Variants in PRKN observed in about 807,000 individuals in gnomAD.
The protein encoded by PRKN is parkin RBR E3 ubiquitin protein ligase.
In PRKN, 56 loss-of-function variants were observed where a neutral mutation model predicts 59.5. The ratio of observed to expected loss-of-function variants is 0.94; its 90% CI spans 0.76 to 1.18. The LOEUF is 1.18. Among genes scored for constraint, PRKN ranks in the 50% most tolerant of loss-of-function variants. PRKN has a pLI of 0.00. For missense variants in PRKN, 657 were observed against 596.4 expected (o/e 1.10, Z -1.06); for synonymous variants, 250 against 222.1 (o/e 1.13, Z -1.12).
Position 161,551,150 on chromosome 6 carries a change from A to T in PRKN, c.934-2147T>A, listed in dbSNP as rs544122850. Among the ~76,000 whole-genome samples, 9 of 152,326 alleles carry T rather than the reference A, an allele frequency of 5.9e-5. No individual in the cohort carries two copies. In the South Asian group the frequency reaches 1.7e-3, roughly 28 times the overall value. ...CCAGAGGATACAATGAAGATATTTC[A>T]TCAGGTAATGAATGATGAGACAGTT... On this transcript the variant is annotated intron_variant, in intron 8 of 11. Coordinates refer to ENST00000366898, the MANE Select transcript of PRKN (RefSeq NM_004562.3). The surrounding 1 kb of genome is among the most constrained non-coding windows in gnomAD (Gnocchi z 5.2).
intron 7 of PRKN, among the ~76,000 whole-genome samples, chr6:161,595,667 T>A (rs1029520823): frequency 6.6e-6 from 1 of 152,122 alleles, no homozygotes; most frequent in African/African-American, 2.4e-5. Flanking sequence ...CTGAACTCAG[T>A]GCAAGCAGGG....
chr6:162,651,516 C>G (rs1403405967), intron 1 of PRKN, among the ~76,000 whole-genome samples: 4 of 152,192 alleles, frequency 2.6e-5, no homozygotes, highest in Admixed American at 6.5e-5. Context: ...TGAGGAGACA[C>G]ATTAACCTGA....
chr6:162,699,770 G>A (rs544804378), intron 1 of PRKN, among the ~76,000 whole-genome samples: 2 of 151,964 alleles, frequency 1.3e-5, no homozygotes, highest in East Asian at 1.9e-4. Flanking sequence ...TTCCTCTCCC[G>A]GTCTCTCAAT....
intron 7 of PRKN, among the ~76,000 whole-genome samples, chr6:161,594,391 T>C (rs1460738361): frequency 2.0e-5 from 3 of 152,142 alleles, no homozygotes; most frequent in African/African-American, 7.2e-5. Context: ...GTGGGCAAGA[T>C]GGGAGAAGAC....
intron 6 of PRKN, among the ~76,000 whole-genome samples, chr6:161,905,247 T>A (rs911086766): frequency 1.3e-5 from 2 of 152,224 alleles, no homozygotes; most frequent in Non-Finnish European, 2.9e-5. Flanking sequence ...ATAGACACAC[T>A]CGTGACACTA....
At chr6:162,561,780 G>A (rs1484701046) in intron 1 of PRKN, among the ~76,000 whole-genome samples, 2 of 152,110 alleles carry the variant, frequency 1.3e-5, no homozygotes, top group African/African-American at 2.4e-5. Flanking sequence ...CCCTGTGGTC[G>A]GAACTTGAGT....
chr6:162,263,269 A>T (rs1329240294), intron 2 of PRKN: 1 of 205,738 alleles, frequency 4.9e-6, no homozygotes, highest in Non-Finnish European at 1.0e-5. Context: ...TAAATAGTAA[A>T]ACTGATTGAC....
At chr6:161,481,597 C>T (rs1318318412) in intron 9 of PRKN, among the ~76,000 whole-genome samples, 1 of 151,652 alleles carries the variant, frequency 6.6e-6, no homozygotes, top group Non-Finnish European at 1.5e-5. Flanking sequence ...AGCAAGACTC[C>T]ATCTCAAAAA....
chr6:161,739,041 C>A (rs1053080223), intron 7 of PRKN, among the ~76,000 whole-genome samples: 1 of 152,188 alleles, frequency 6.6e-6, no homozygotes, highest in Non-Finnish European at 1.5e-5. Context: ...ATGCCAGGAT[C>A]CTCTTAACGT....
intron 7 of PRKN, among the ~76,000 whole-genome samples, chr6:161,739,074 T>C (rs1488069149): frequency 2.0e-5 from 3 of 152,176 alleles, no homozygotes; most frequent in South Asian, 2.1e-4. Flanking sequence ...CTCATTTGAC[T>C]TCACTGGATC....
At chr6:162,286,346 T>C (rs1333650597) in intron 2 of PRKN, among the ~76,000 whole-genome samples, 2 of 152,210 alleles carry the variant, frequency 1.3e-5, no homozygotes, top group Non-Finnish European at 2.9e-5. Flanking sequence ...TTGATCTTCA[T>C]GTTTTCTTTC....
At chr6:162,445,997 C>T (rs1051972019) in intron 1 of PRKN, among the ~76,000 whole-genome samples, 2 of 151,910 alleles carry the variant, frequency 1.3e-5, no homozygotes, top group African/African-American at 2.4e-5. Flanking sequence ...AAAGGAAGGA[C>T]GACCAGTGAC....
At chr6:162,308,688 C>T (rs1460180659) in intron 2 of PRKN, among the ~76,000 whole-genome samples, 2 of 151,998 alleles carry the variant, frequency 1.3e-5, no homozygotes, top group East Asian at 1.9e-4. Flanking sequence ...ATCTGTTGTA[C>T]GGGTAGGGAT....
intron 3 of PRKN, among the ~76,000 whole-genome samples, chr6:162,242,386 C>G (rs78888676): frequency 1.3e-3 from 200 of 152,206 alleles, no homozygotes; most frequent in African/African-American, 4.7e-3. Flanking sequence ...TCAGTTCATA[C>G]AGAAAGCAGA....
rs954839110 is a variant in PRKN, at chr6:162,546,904, CT to C, written c.8-103432del. ...AACAGCACTTTTCCCTTGATTCTGACTTTTTTTCTCACATACCTTTATTTGC... is the reference window on the plus strand; with the variant it reads ...AACAGCACTTTTCCCTTGATTCTGACTTTTTTCTCACATACCTTTATTTGC... On this transcript the variant is annotated intron_variant, in intron 1 of 11. Transcript: ENST00000366898. Among the ~76,000 whole-genome samples the C allele has an allele frequency of 3.3e-5, 5 of 152,252 alleles. No individual in the cohort carries two copies. In the East Asian group the frequency reaches 9.7e-4, roughly 29 times the overall value.
chr6:162,535,612 A>G (rs1778684173), intron 1 of PRKN, among the ~76,000 whole-genome samples: 1 of 152,068 alleles, frequency 6.6e-6, no homozygotes, highest in Admixed American at 6.6e-5. Context: ...AATCAAAGTT[A>G]AAATATGGCA....
intron 3 of PRKN, among the ~76,000 whole-genome samples, chr6:162,227,129 G>A (rs1330888067): frequency 6.6e-6 from 1 of 152,132 alleles, no homozygotes; most frequent in Non-Finnish European, 1.5e-5. Context: ...GTATACGTAT[G>A]GGACTTGCAT....
rs1457229911 is a variant in PRKN, at chr6:161,423,024, AT to A, written c.1084-36148del. The stretch of plus-strand genomic sequence containing the variant: ...TTTGTGTCTTTTAGAAAGCATTTAT[AT>A]TTCCTATAAATCCATTTACATGTCA... On this transcript the variant is annotated intron_variant, in intron 9 of 11. Coordinates refer to ENST00000366898, the MANE Select transcript of PRKN (RefSeq NM_004562.3). The surrounding 1 kb of genome is among the most constrained non-coding windows in gnomAD (Gnocchi z 5.9). 6.6e-6 allele frequency among the ~76,000 whole-genome samples: 1 copy of A among 152,194 alleles called. No homozygotes were observed. Among genetic ancestry groups the A allele is most frequent in the Non-Finnish European group, 1.5e-5 (1 of 68,038 alleles).
intron 1 of PRKN, among the ~76,000 whole-genome samples, chr6:162,449,107 G>A (rs766751272): frequency 1.5e-4 from 23 of 151,952 alleles, no homozygotes; most frequent in South Asian, 4.2e-4. Context: ...GGCTGGTCTC[G>A]AACTCCTGAC....
Sources: allele counts gnomAD v4.1 joint callset (sites outside exome capture counted in the v4.1 genomes callset), GRCh38; gene constraint gnomAD v4.1.1; non-coding constraint Gnocchi (gnomAD v3.1); transcripts MANE v1.5; gene names NCBI Gene and HGNC (gene_info 2026-07-23, HGNC 2026-07-21).